Variants in PDE8B observed in about 807,000 individuals in gnomAD.
PDE8B encodes phosphodiesterase 8B.
PDE8B carries 26 observed loss-of-function variants against 101.3 expected under a neutral mutation model. That is an observed-to-expected ratio of 0.26 (90% CI 0.19 to 0.36). The LOEUF (loss-of-function observed/expected upper bound fraction) is 0.36, where lower values mean the gene tolerates loss of function less well. PDE8B is among the 10% of genes least tolerant of loss of function. The pLI, the probability that PDE8B is intolerant of heterozygous loss-of-function variation, is 1.00. For synonymous variants in PDE8B, 424 were observed against 429.3 expected, an observed-to-expected ratio of 0.99 and a Z score of 0.15; for missense variants, 810 against 1,163.1, an observed-to-expected ratio of 0.70 and a Z score of 4.42.
intron 1 of PDE8B, among the ~76,000 whole-genome samples, chr5:77,280,416 CAATGAAAACA>C (rs1438999418): frequency 6.6e-6 from 1 of 152,088 alleles, no homozygotes; most frequent in Non-Finnish European, 1.5e-5. Context: ...TTGAAAAATA[CAATGAAAACA>C]AATTTCTGGA....
the PDE8B span, among the ~76,000 whole-genome samples, chr5:77,129,146 T>C: frequency 1.3e-5 from 2 of 152,078 alleles, 1 homozygote. Flanking sequence ...AGTTTAGTAG[T>C]GAAAGTACCA....
chr5:77,123,027 G>A, the PDE8B span, among the ~76,000 whole-genome samples: 1 of 152,144 alleles, frequency 6.6e-6, no homozygotes, highest in Non-Finnish European at 1.5e-5. Context: ...AGAAGACCAA[G>A]GTAGCTATGA....
rs566281444 is a variant in PDE8B, at chr5:77,237,058, TTAATC to T, written c.339+25798_339+25802del. On this transcript the variant is annotated intron_variant, in intron 1 of 21. Coordinates refer to ENST00000264917, the MANE Select transcript of PDE8B (RefSeq NM_003719.5). ...CCCTTTTTATCCCTAGTAATTTTCT[TTAATC>T]TAAAGTTTACTTAGACAGATATTCC... 2.6e-3 allele frequency among the ~76,000 whole-genome samples: 389 copies of T among 152,298 alleles called. 1 individual carries two copies. Among genetic ancestry groups the T allele is most frequent in the African/African-American group, 8.8e-3 (367 of 41,570 alleles).
chr5:77,193,554 C>T, the PDE8B span, among the ~76,000 whole-genome samples: 41 of 152,200 alleles, frequency 2.7e-4, no homozygotes, highest in Non-Finnish European at 4.6e-4. Context: ...ATGCCAATAC[C>T]GCTCTGTATT....
the PDE8B span, among the ~76,000 whole-genome samples, chr5:77,109,760 A>G: frequency 6.6e-6 from 1 of 152,150 alleles, no homozygotes. Flanking sequence ...GGCAGGGCCC[A>G]GGAATCTGCC....
the PDE8B span, among the ~76,000 whole-genome samples, chr5:77,202,072 G>T: frequency 1.3e-5 from 2 of 152,068 alleles, no homozygotes; most frequent in Admixed American, 6.5e-5. Context: ...TTATGACCTC[G>T]TAACCTTAGT....
chr5:77,282,548 C>T (rs1765216558), intron 1 of PDE8B, among the ~76,000 whole-genome samples: 1 of 152,094 alleles, frequency 6.6e-6, no homozygotes, highest in Non-Finnish European at 1.5e-5. Flanking sequence ...TGTTCTCACA[C>T]CCCTGTGCTG....
the PDE8B span, among the ~76,000 whole-genome samples, chr5:77,153,661 G>A: frequency 1.5e-4 from 22 of 143,098 alleles, no homozygotes; most frequent in African/African-American, 2.4e-4. Context: ...TGCAACCTCC[G>A]CCTCCCAGAT....
chr5:77,169,352 C>T, the PDE8B span, among the ~76,000 whole-genome samples: 6 of 152,264 alleles, frequency 3.9e-5, no homozygotes, highest in South Asian at 2.1e-4. Context: ...GTGCTTCTCA[C>T]GTTTTAACGT....
Position 77,318,304 on chromosome 5 carries a change from G to A in PDE8B, c.399+6251G>A, listed in dbSNP as rs148128546. 3.3e-3 allele frequency among the ~76,000 whole-genome samples: 504 copies of A among 152,224 alleles called. 1 individual carries two copies. Among genetic ancestry groups the A allele is most frequent in the African/African-American group, 0.012 (489 of 41,538 alleles). On this transcript the variant is annotated intron_variant, in intron 2 of 21. Coordinates refer to ENST00000264917, the MANE Select transcript of PDE8B (RefSeq NM_003719.5). ...CTGTCCTTACTGCTGCTACCAGGTT[G>A]TGTCTTCTACCTCGTCCAGCCAGTT...
At chr5:77,175,756 T>G in the PDE8B span, among the ~76,000 whole-genome samples, 3 of 152,250 alleles carry the variant, frequency 2.0e-5, no homozygotes, top group Non-Finnish European at 2.9e-5. Flanking sequence ...AAATATTTGT[T>G]GAGTGAATGA....
At chr5:77,094,011 T>C in the PDE8B span, among the ~76,000 whole-genome samples, 1 of 152,206 alleles carries the variant, frequency 6.6e-6, no homozygotes. Flanking sequence ...ACAACAGGTG[T>C]TTATTCTTCC....
intron 1 of PDE8B, among the ~76,000 whole-genome samples, chr5:77,265,144 G>A (rs1580674491): frequency 6.6e-6 from 1 of 152,122 alleles, no homozygotes; most frequent in African/African-American, 2.4e-5. Flanking sequence ...AACTCATCTG[G>A]CTAGCAGTAG....
At chr5:77,397,768 A>G (rs571759920) in intron 10 of PDE8B, among the ~76,000 whole-genome samples, 8 of 152,338 alleles carry the variant, frequency 5.3e-5, no homozygotes, top group African/African-American at 1.9e-4. Flanking sequence ...ATGCCAAGAA[A>G]TGAGTAGCCC....
chr5:77,238,980 T>C (rs1041837941), intron 1 of PDE8B, among the ~76,000 whole-genome samples: 2 of 152,230 alleles, frequency 1.3e-5, no homozygotes, highest in African/African-American at 4.8e-5. Flanking sequence ...ATGCTAATCT[T>C]TCCCAGAAAC....
chr5:77,415,586 T>C (rs1795371023), intron 17 of PDE8B, among the ~76,000 whole-genome samples: 1 of 152,074 alleles, frequency 6.6e-6, no homozygotes, highest in Non-Finnish European at 1.5e-5. Flanking sequence ...CTCGAACTCC[T>C]GACCTCAGAT....
chr5:77,104,667 T>C, the PDE8B span: 1 of 152,178 alleles, frequency 6.6e-6, no homozygotes, highest in African/African-American at 2.4e-5. Context: ...TAAATTTCTA[T>C]TGTTTATAAT....
At chr5:77,185,312 A>G in the PDE8B span, among the ~76,000 whole-genome samples, 1 of 152,148 alleles carries the variant, frequency 6.6e-6, no homozygotes, top group Non-Finnish European at 1.5e-5. Flanking sequence ...AAGCCTCAGA[A>G]CTATAAGGTA....
chr5:77,267,228 A>G (rs1411893634), intron 1 of PDE8B, among the ~76,000 whole-genome samples: 3 of 152,140 alleles, frequency 2.0e-5, no homozygotes, highest in Non-Finnish European at 4.4e-5. Flanking sequence ...TCAAGAGGTC[A>G]GGAGATCAAG....
Sources: gnomAD v4.1 joint callset for allele counts (sites outside exome capture counted in the v4.1 genomes callset) on GRCh38, gnomAD v4.1.1 for gene constraint, MANE v1.5 for transcripts, NCBI Gene and HGNC (gene_info 2026-07-23, HGNC 2026-07-21) for gene names.